KIF3C: variants seen among roughly 807,000 people sequenced by gnomAD.
KIF3C encodes the protein kinesin family member 3C.
A neutral mutation model predicts 67.7 loss-of-function variants in KIF3C; 12 were observed. That is an observed-to-expected ratio of 0.18 (90% CI 0.11 to 0.29). The LOEUF (loss-of-function observed/expected upper bound fraction) is 0.29, where lower values mean the gene tolerates loss of function less well. KIF3C is among the 10% of genes least tolerant of loss of function. The probability of loss-of-function intolerance (pLI) is 1.00; values close to 1 mark genes in which losing one functional copy is unlikely to be tolerated. For missense variants in KIF3C, 789 were observed against 1,059.6 expected, an observed-to-expected ratio of 0.74 and a Z score of 3.55; for synonymous variants, 393 against 426.2, an observed-to-expected ratio of 0.92 and a Z score of 0.96.
intron 1 of KIF3C, among the ~76,000 whole-genome samples, chr2:25,967,631 A>G (rs1664177372): frequency 6.6e-6 from 1 of 152,152 alleles, no homozygotes; most frequent in Admixed American, 6.6e-5. Context: ...ACATAGTGAG[A>G]CCCCATCTCT....
At chr2:25,939,257 C>T (rs1021722687) in intron 5 of KIF3C, among the ~76,000 whole-genome samples, 27 of 152,106 alleles carry the variant, frequency 1.8e-4, no homozygotes, top group African/African-American at 6.0e-4. Context: ...TGTGAGCCAC[C>T]GCGGCTGGCC....
chr2:25,951,888 T>C lies in KIF3C; in HGVS notation c.1907A>G (p.Asn636Ser). Reference protein sequence around the residue: ...ELKLKYLIIENFIPPEEKNKI... With the variant: ...ELKLKYLIIESFIPPEEKNKI... ...GTTCTTCTCCTCCGGCGGGATGAAG[T>C]TCTCGATGATTAGGTACCTGGGAGC... The change falls in exon 5 of 8, where the codon AAC becomes AGC. Residue 636 changes from asparagine (N) to serine (S), a missense_variant. Physicochemically the swap from Asn to Ser is conservative, Grantham distance 46 (BLOSUM62 1). Around this residue, in one of 2 missense-constraint regions of KIF3C, gnomAD observed 648 missense variants for 807.8 expected, o/e 0.80. Transcript: ENST00000264712. 1 of 1,613,112 alleles carries C rather than the reference T, an allele frequency of 6.2e-7. No homozygotes were observed. The highest frequency in any genetic ancestry group is 8.5e-7 in the Non-Finnish European group (1 of 1,179,166).
At chr2:25,939,689 C>T (rs1195267561) in intron 5 of KIF3C, among the ~76,000 whole-genome samples, 1 of 152,084 alleles carries the variant, frequency 6.6e-6, no homozygotes, top group African/African-American at 2.4e-5. Context: ...AGGTGGCTTA[C>T]ACCTGTAAGC....
At chr2:25,939,462 G>A (rs1663230837) in intron 5 of KIF3C, among the ~76,000 whole-genome samples, 2 of 152,066 alleles carry the variant, frequency 1.3e-5, no homozygotes, top group South Asian at 4.1e-4. Context: ...CCTCCATGCT[G>A]TCCCCGACCC....
At chr2:25,949,312 G>T (rs1663529224) in intron 5 of KIF3C, among the ~76,000 whole-genome samples, 1 of 152,080 alleles carries the variant, frequency 6.6e-6, no homozygotes, top group African/African-American at 2.4e-5. Flanking sequence ...AGTGGCTCAC[G>T]CCTGTAATCC....
At chr2:25,954,926 T>C (rs1001188857) in intron 3 of KIF3C, among the ~76,000 whole-genome samples, 1 of 152,172 alleles carries the variant, frequency 6.6e-6, no homozygotes, top group African/African-American at 2.4e-5. Flanking sequence ...GCTGGGTCCG[T>C]GGTAACTGCC....
rs563467256 is a variant in KIF3C, at chr2:25,955,975, C to T, written c.1648-312G>A. 6.6e-6 allele frequency among the ~76,000 whole-genome samples: 1 copy of T among 152,314 alleles called. No individual in the cohort carries two copies. The highest frequency in any genetic ancestry group is 1.9e-4 in the East Asian group (1 of 5,180). On this transcript the variant is annotated intron_variant, in intron 2 of 7. Coordinates refer to ENST00000264712, the MANE Select transcript of KIF3C (RefSeq NM_002254.8). The surrounding 1 kb of genome is among the most constrained non-coding windows in gnomAD (Gnocchi z 5.0). ...TGCCTTCCAAGCTGCCTCACCCTCT[C>T]CCCAAGTAGTATAATGGTTGATTGG...
intron 5 of KIF3C, among the ~76,000 whole-genome samples, chr2:25,932,709 T>C (rs938708614): frequency 6.6e-6 from 1 of 151,520 alleles, no homozygotes; most frequent in Non-Finnish European, 1.5e-5. Flanking sequence ...GGCACACACC[T>C]GTAGTCCCAG....
chr2:25,929,542 C>A (rs1371253006), intron 6 of KIF3C, 65 bp from the exon 7 acceptor site: 6 of 1,461,868 alleles, frequency 4.1e-6, no homozygotes, highest in Middle Eastern at 2.0e-4. Flanking sequence ...AGGGACTCAG[C>A]CAGTCTTGGG....
intron 1 of KIF3C, among the ~76,000 whole-genome samples, chr2:25,967,598 G>C (rs1237109891): frequency 6.6e-6 from 1 of 152,198 alleles, no homozygotes; most frequent in Non-Finnish European, 1.5e-5. Context: ...CTTGACCCCA[G>C]GAGTTCAAGA....
At position 25,933,167 on chromosome 2, in the gene KIF3C, C is replaced by G. The variant is rs571191374; in HGVS notation, c.2007-3104G>C. 4.6e-5 allele frequency among the ~76,000 whole-genome samples: 7 copies of G among 151,788 alleles called. No homozygotes were observed. The South Asian group carries it at 1.2e-3, about 27-fold the overall frequency. Reference sequence around the variant, plus strand: ...TTGGGAGGCTGAGACAGGAGAATTGCTTGAACCTGGGAGGCAGAGGTTGCA... The same window carrying G: ...TTGGGAGGCTGAGACAGGAGAATTGGTTGAACCTGGGAGGCAGAGGTTGCA... On this transcript the variant is annotated intron_variant, in intron 5 of 7. Coordinates refer to ENST00000264712, the MANE Select transcript of KIF3C (RefSeq NM_002254.8).
chr2:25,962,988 AAT>A lies in KIF3C; in HGVS notation c.1546-6546_1546-6545del, dbSNP rs1188711035. Among the ~76,000 whole-genome samples, 111 of 50,142 alleles carry A rather than the reference AAT, an allele frequency of 2.2e-3. 4 individuals are homozygous for A. The highest frequency in any genetic ancestry group is 0.017 in the South Asian group (37 of 2,222). 32.9% of individuals were successfully genotyped at this position (50,142 alleles called of 152,430 possible). ...ATATAATATATAATATATAATATAT[AAT>A]ATATATAATATATAATATATAATAT... is the stretch of plus-strand genomic sequence containing the variant. On this transcript the variant is annotated intron_variant, in intron 1 of 7. Coordinates refer to ENST00000264712, the MANE Select transcript of KIF3C (RefSeq NM_002254.8).
intron 5 of KIF3C, 194 bp downstream of exon 5, chr2:25,951,595 A>G (rs1422978256): frequency 1.9e-6 from 1 of 526,048 alleles, no homozygotes; most frequent in Non-Finnish European, 3.4e-6. Context: ...TTTTTTTCCC[A>G]GAACACCCTT....
At chr2:25,962,847 TATA>T (rs1428079589) in intron 1 of KIF3C, among the ~76,000 whole-genome samples, 1,207 of 55,368 alleles carry the variant, frequency 0.022, 45 homozygotes, top group Non-Finnish European at 0.026. Flanking sequence ...ATATATAATA[TATA>T]ATATAATATA....
intron 5 of KIF3C, among the ~76,000 whole-genome samples, chr2:25,937,150 A>G (rs964167765): frequency 1.4e-4 from 21 of 152,218 alleles, no homozygotes; most frequent in African/African-American, 4.8e-4. Flanking sequence ...GGGGATACAA[A>G]TGAAATGAGC....
chr2:25,976,454 G>A (rs1317538825), intron 1 of KIF3C, among the ~76,000 whole-genome samples: 1 of 152,026 alleles, frequency 6.6e-6, no homozygotes, highest in East Asian at 1.9e-4. Flanking sequence ...GAATCATCTA[G>A]TCCAACTCCT....
At position 25,929,440 on chromosome 2, in the gene KIF3C, G is replaced by A; in HGVS notation, c.2153C>T (p.Pro718Leu). 1.9e-6 allele frequency: 3 copies of A among 1,614,092 alleles called. No individual in the cohort carries two copies. The highest frequency in any genetic ancestry group is 1.7e-6 in the Non-Finnish European group (2 of 1,179,970). Reference sequence around the variant, plus strand: ...GAATTCCATCTCAAAGACAGCTGGAGGGGACACATCCAACTCCAGAAACAT... The same window carrying A: ...GAATTCCATCTCAAAGACAGCTGGAAGGGACACATCCAACTCCAGAAACAT... ...NIMFLELDVS[P>L]PAVFEMEFSH... Residue 718 changes from proline (P) to leucine (L), a missense_variant, in exon 7 of 8, where the codon CCT becomes CTT. By Grantham distance (98) the Pro-to-Leu change is moderately conservative. Coordinates refer to ENST00000264712, the MANE Select transcript of KIF3C (RefSeq NM_002254.8).
At chr2:25,961,235 T>C (rs1307663990) in intron 1 of KIF3C, among the ~76,000 whole-genome samples, 2 of 152,084 alleles carry the variant, frequency 1.3e-5, no homozygotes, top group African/African-American at 4.8e-5. Flanking sequence ...CAAAGTTACA[T>C]GGGGAGTGAA....
At chr2:25,947,953 C>T (rs1469688883) in intron 5 of KIF3C, among the ~76,000 whole-genome samples, 4 of 152,152 alleles carry the variant, frequency 2.6e-5, no homozygotes, top group Admixed American at 2.6e-4. Context: ...TGGCATGATC[C>T]TAGCTTACAA....
Sources: gnomAD v4.1 joint callset for allele counts (sites outside exome capture counted in the v4.1 genomes callset) on GRCh38, gnomAD v4.1.1 for gene constraint, gnomAD v4.1.1 regional missense constraint, Gnocchi (gnomAD v3.1) non-coding constraint, MANE v1.5 for transcripts, NCBI Gene and HGNC (gene_info 2026-07-23, HGNC 2026-07-21) for gene names.